The following LRMDA variants were observed in gnomAD, a reference collection of about 807,000 sequenced individuals.
LRMDA encodes the protein leucine rich melanocyte differentiation associated, also known as leucine-rich melanocyte differentiation-associated protein.
Under a neutral mutation model 29.8 loss-of-function variants are expected in LRMDA, and 18 were observed. That is an observed-to-expected ratio of 0.60 (90% CI 0.42 to 0.90). The LOEUF (loss-of-function observed/expected upper bound fraction) is 0.90. Ranked by LOEUF, LRMDA falls within the 40% of genes least tolerant of loss-of-function variation. The probability of loss-of-function intolerance (pLI) is 0.00; values close to 1 mark genes in which losing one functional copy is unlikely to be tolerated. For missense variants in LRMDA, 273 were observed against 273.9 expected, an observed-to-expected ratio of 1.00 and a Z score of 0.02; for synonymous variants, 125 against 109.4, an observed-to-expected ratio of 1.14 and a Z score of -0.89.
intron 6 of LRMDA, among the ~76,000 whole-genome samples, chr10:76,324,927 T>C (rs1476733093): frequency 6.6e-6 from 1 of 152,220 alleles, no homozygotes; most frequent in African/African-American, 2.4e-5. Flanking sequence ...CTGGCAACAT[T>C]GAGAGAAGCC....
At chr10:76,113,414 A>T (rs941855960) in intron 5 of LRMDA, among the ~76,000 whole-genome samples, 11 of 151,002 alleles carry the variant, frequency 7.3e-5, no homozygotes, top group African/African-American at 2.4e-4. Context: ...GGGCTTGGAG[A>T]GTTGTCACTA....
chr10:76,331,123 T>G (rs1410137443), intron 6 of LRMDA, among the ~76,000 whole-genome samples: 1 of 152,006 alleles, frequency 6.6e-6, no homozygotes, highest in Non-Finnish European at 1.5e-5. Flanking sequence ...ATACAAAAAT[T>G]AGTTGGGTGC....
At chr10:75,907,378 G>A (rs1288830580) in intron 2 of LRMDA, among the ~76,000 whole-genome samples, 5 of 152,144 alleles carry the variant, frequency 3.3e-5, no homozygotes, top group South Asian at 2.1e-4. Flanking sequence ...ATATTAGCTC[G>A]TTAATTATGT....
At chr10:76,147,282 T>C (rs1196705360) in intron 5 of LRMDA, among the ~76,000 whole-genome samples, 1 of 152,188 alleles carries the variant, frequency 6.6e-6, no homozygotes, top group Admixed American at 6.5e-5. Context: ...CAGAGTGTTT[T>C]CCAACTTGGT....
intron 5 of LRMDA, among the ~76,000 whole-genome samples, chr10:76,155,948 T>C (rs1359795942): frequency 1.3e-5 from 2 of 152,194 alleles, no homozygotes; most frequent in African/African-American, 4.8e-5. Flanking sequence ...CAAGGTCTAA[T>C]TGTAAGCCAA....
intron 2 of LRMDA, among the ~76,000 whole-genome samples, chr10:75,875,734 C>A (rs1845186020): frequency 6.6e-6 from 1 of 152,194 alleles, no homozygotes; most frequent in Non-Finnish European, 1.5e-5. Flanking sequence ...GCCCAGCCAG[C>A]CATTTCTTTT....
intron 2 of LRMDA, among the ~76,000 whole-genome samples, chr10:75,444,331 G>A (rs965406980): frequency 1.3e-5 from 2 of 152,160 alleles, no homozygotes; most frequent in Non-Finnish European, 2.9e-5. Context: ...GAGCCAGTGT[G>A]TACCCTGTCA....
intron 5 of LRMDA, among the ~76,000 whole-genome samples, chr10:76,131,466 G>A (rs534941998): frequency 7.5e-4 from 114 of 152,240 alleles, no homozygotes; most frequent in Non-Finnish European, 2.5e-4. Context: ...TTTTATGTTT[G>A]AATCTTGTAT....
chr10:76,122,628 T>C (rs1849809661), intron 5 of LRMDA, among the ~76,000 whole-genome samples: 1 of 152,250 alleles, frequency 6.6e-6, no homozygotes, highest in Admixed American at 6.5e-5. Context: ...CTATTATTGT[T>C]GCTGTTGCTG....
intron 6 of LRMDA, among the ~76,000 whole-genome samples, chr10:76,542,974 G>C (rs964573896): frequency 6.6e-6 from 1 of 152,166 alleles, no homozygotes; most frequent in Non-Finnish European, 1.5e-5. Flanking sequence ...GTGAAGGGAA[G>C]TGAGGAGGCT....
At chr10:76,317,224 A>C (rs1840710954) in intron 5 of LRMDA, among the ~76,000 whole-genome samples, 2 of 152,186 alleles carry the variant, frequency 1.3e-5, no homozygotes, top group East Asian at 1.9e-4. Context: ...CCTAAGTGTC[A>C]GTTTTTTTCA....
chr10:76,062,698 T>TGTGTGTG (rs1564642890), intron 5 of LRMDA, among the ~76,000 whole-genome samples: 4 of 101,822 alleles, frequency 3.9e-5, no homozygotes, highest in South Asian at 2.8e-4. Flanking sequence ...GTGTGTGTGT[T>TGTGTGTG]ATTAGTTGAT....
intron 2 of LRMDA, among the ~76,000 whole-genome samples, chr10:75,821,715 G>A (rs971999637): frequency 6.6e-6 from 1 of 152,032 alleles, no homozygotes; most frequent in African/African-American, 2.4e-5. Flanking sequence ...CTTGCAGTGA[G>A]CCGAGATCAC....
intron 5 of LRMDA, among the ~76,000 whole-genome samples, chr10:76,323,000 C>G (rs1840790329): frequency 6.6e-6 from 1 of 151,948 alleles, no homozygotes; most frequent in African/African-American, 2.4e-5. Flanking sequence ...GCTCTACATT[C>G]TTGCAGTGTG....
intron 2 of LRMDA, among the ~76,000 whole-genome samples, chr10:75,601,979 A>G (rs1017903699): frequency 5.9e-5 from 9 of 152,208 alleles, no homozygotes; most frequent in Non-Finnish European, 1.0e-4. Flanking sequence ...ACTCTGTGCG[A>G]TATCTTTTCT....
At chr10:75,746,022 T>C (rs1479421643) in intron 2 of LRMDA, among the ~76,000 whole-genome samples, 1 of 152,192 alleles carries the variant, frequency 6.6e-6, no homozygotes, top group Admixed American at 6.5e-5. Flanking sequence ...CTCAACTACT[T>C]GGTTAAGGTA....
chr10:75,803,059 A>G (rs1287958594), intron 2 of LRMDA, among the ~76,000 whole-genome samples: 1 of 150,092 alleles, frequency 6.7e-6, no homozygotes, highest in Admixed American at 6.7e-5. Context: ...TTTATTGAGG[A>G]CTAACCAAAT....
At chr10:75,529,752 A>G (rs1345461701) in intron 2 of LRMDA, among the ~76,000 whole-genome samples, 3 of 152,382 alleles carry the variant, frequency 2.0e-5, no homozygotes, top group South Asian at 2.1e-4. Flanking sequence ...GTAGGAAAGA[A>G]TTAGTTTTTT....
chr10:75,752,208 C>CTTTTT (rs780364065), intron 2 of LRMDA, among the ~76,000 whole-genome samples: 10 of 113,130 alleles, frequency 8.8e-5, no homozygotes, highest in East Asian at 4.8e-4. Context: ...TAACGTGTCT[C>CTTTTT]TTTTTTTTTT....
Sources: gnomAD v4.1 joint callset for allele counts (sites outside exome capture counted in the v4.1 genomes callset) on GRCh38, gnomAD v4.1.1 for gene constraint, MANE v1.5 for transcripts, NCBI Gene and HGNC (gene_info 2026-07-23, HGNC 2026-07-21) for gene names.